The following SND1 variants were observed in gnomAD, a reference collection of about 807,000 sequenced individuals.
SND1 encodes the protein staphylococcal nuclease domain-containing protein 1.
In SND1, 38 loss-of-function variants were observed where a neutral mutation model predicts 121.7. That is an observed-to-expected ratio of 0.31 (90% CI 0.24 to 0.41). The LOEUF is 0.41. Among genes scored for constraint, SND1 ranks in the 10% least tolerant of loss-of-function variants. SND1 has a pLI of 1.00. For missense variants in SND1, 868 were observed against 1,184.6 expected, an observed-to-expected ratio of 0.73 and a Z score of 3.92; for synonymous variants, 401 against 447.4, an observed-to-expected ratio of 0.90 and a Z score of 1.31.
intron 12 of SND1, among the ~76,000 whole-genome samples, chr7:127,884,875 C>G (rs567405014): frequency 6.6e-6 from 1 of 152,238 alleles, no homozygotes; most frequent in South Asian, 2.1e-4. Flanking sequence ...TTTGTATATA[C>G]CTACTCTGAC....
chr7:127,857,904 G>C, intron 12 of SND1: 2 of 1,394,078 alleles, frequency 1.4e-6, no homozygotes, highest in Non-Finnish European at 2.0e-6. Context: ...CACGAAGGGG[G>C]TCCAGCTTCC....
At chr7:127,834,252 A>T (rs1263473657) in intron 11 of SND1, among the ~76,000 whole-genome samples, 1 of 152,112 alleles carries the variant, frequency 6.6e-6, no homozygotes, top group Non-Finnish European at 1.5e-5. Flanking sequence ...TCTATTTTTA[A>T]TTTTTTTGGA....
At chr7:127,698,337 G>C (rs1796044385) in intron 3 of SND1, among the ~76,000 whole-genome samples, 1 of 152,102 alleles carries the variant, frequency 6.6e-6, no homozygotes, top group Non-Finnish European at 1.5e-5. Flanking sequence ...CACGGTGAAG[G>C]GACTAACTTT....
chr7:127,771,894 C>T (rs553940137), intron 10 of SND1, among the ~76,000 whole-genome samples: 1 of 152,168 alleles, frequency 6.6e-6, no homozygotes, highest in Admixed American at 6.5e-5. Flanking sequence ...TGGATCACCT[C>T]GGTGGTTTCG....
At chr7:127,949,747 CA>C (rs913175371) in intron 15 of SND1, among the ~76,000 whole-genome samples, 4 of 152,184 alleles carry the variant, frequency 2.6e-5, no homozygotes, top group African/African-American at 9.7e-5. Context: ...GATTTGGCCC[CA>C]GCACAGGGTG....
At chr7:127,849,680 T>C (rs903398926) in intron 12 of SND1, among the ~76,000 whole-genome samples, 7 of 152,358 alleles carry the variant, frequency 4.6e-5, no homozygotes, top group Admixed American at 2.6e-4. Flanking sequence ...GATGGAACCT[T>C]GAAAGGTGAG....
intron 16 of SND1, among the ~76,000 whole-genome samples, chr7:128,038,645 T>A (rs1251679599): frequency 1.3e-5 from 2 of 152,050 alleles, no homozygotes; most frequent in Non-Finnish European, 2.9e-5. Flanking sequence ...ATTTAAGGTA[T>A]GAGATGTTTT....
chr7:127,844,955 A>G (rs1031427795), intron 12 of SND1, among the ~76,000 whole-genome samples: 2 of 152,202 alleles, frequency 1.3e-5, no homozygotes, highest in Admixed American at 6.5e-5. Flanking sequence ...TGATAGGGGA[A>G]GGAGGAAGCC....
chr7:127,883,307 G>T (rs1799830735), intron 12 of SND1, among the ~76,000 whole-genome samples: 2 of 152,182 alleles, frequency 1.3e-5, no homozygotes, highest in South Asian at 4.1e-4. Flanking sequence ...GGAATCCTAG[G>T]GGGTAAAATT....
At chr7:127,996,140 TAAA>T (rs34060223) in intron 16 of SND1, among the ~76,000 whole-genome samples, 2 of 142,746 alleles carry the variant, frequency 1.4e-5, no homozygotes, top group Admixed American at 7.0e-5. Context: ...CTCCCTGCTT[TAAA>T]AAAAAAAAAA....
Position 128,085,716 on chromosome 7 carries a change from G to A in SND1, c.2240G>A (p.Arg747His), listed in dbSNP as rs1793677098. The A allele has an allele frequency of 1.9e-6, 3 of 1,613,884 alleles. No individual in the cohort carries two copies. The highest frequency in any genetic ancestry group is 1.3e-5 in the African/African-American group (1 of 74,912). Residue 747 changes from arginine (R) to histidine (H), a missense_variant, in exon 20 of 24, where the codon CGT becomes CAT. By Grantham distance (29) the Arg-to-His change is conservative (BLOSUM62 0). Coordinates refer to ENST00000354725, the MANE Select transcript of SND1 (RefSeq NM_014390.4). The surrounding 1 kb of genome is among the most constrained non-coding windows in gnomAD (Gnocchi z 4.4). Reference protein sequence around the residue: ...IAKFVDGEWYRARVEKVESPA... With the variant: ...IAKFVDGEWYHARVEKVESPA... ...TGCCCATGATGCCATTGCAGGTACC[G>A]TGCCCGAGTAGAGAAAGTCGAGTCT...
intron 10 of SND1, among the ~76,000 whole-genome samples, chr7:127,729,870 A>G (rs1796643908): frequency 6.6e-6 from 1 of 152,234 alleles, no homozygotes; most frequent in Non-Finnish European, 1.5e-5. Flanking sequence ...TGACAGGCCA[A>G]TTGCTTAGGC....
At chr7:127,703,088 G>T in intron 6 of SND1, 77 bp from the exon 7 acceptor site, 1 of 1,526,968 alleles carries the variant, frequency 6.5e-7, no homozygotes, top group Non-Finnish European at 9.0e-7. Flanking sequence ...GTGTTTTTTG[G>T]AAGGCTTAGT....
chr7:127,672,714 T>G (rs1795543657), intron 1 of SND1, among the ~76,000 whole-genome samples: 1 of 152,166 alleles, frequency 6.6e-6, no homozygotes, highest in Admixed American at 6.5e-5. Context: ...GGTCACCTAT[T>G]AGCTGTCATG....
At chr7:127,706,428 T>G (rs1288092990) in intron 8 of SND1, among the ~76,000 whole-genome samples, 1 of 151,992 alleles carries the variant, frequency 6.6e-6, no homozygotes, top group Non-Finnish European at 1.5e-5. Context: ...GGCTAATTTT[T>G]TTTTGTATTT....
At chr7:127,732,834 A>C (rs1226152321) in intron 10 of SND1, among the ~76,000 whole-genome samples, 1 of 152,236 alleles carries the variant, frequency 6.6e-6, no homozygotes, top group African/African-American at 2.4e-5. Context: ...CACCTCACTG[A>C]TCACAGAAAC....
chr7:127,849,659 A>G (rs1214661935), intron 12 of SND1, among the ~76,000 whole-genome samples: 2 of 148,848 alleles, frequency 1.3e-5, no homozygotes, highest in East Asian at 3.9e-4. Flanking sequence ...AAAGTTAAAG[A>G]ATGGCACAGA....
intron 15 of SND1, among the ~76,000 whole-genome samples, chr7:127,934,685 C>T (rs1158893320): frequency 6.6e-6 from 1 of 152,026 alleles, no homozygotes; most frequent in Non-Finnish European, 1.5e-5. Flanking sequence ...TTGAGATGTC[C>T]ACAATTAAGA....
chr7:127,935,430 T>A (rs966314453), intron 15 of SND1, among the ~76,000 whole-genome samples: 3 of 152,054 alleles, frequency 2.0e-5, no homozygotes, highest in East Asian at 3.9e-4. Context: ...GCAAATGAGG[T>A]TATAAAAAAA....
Sources: gnomAD v4.1 joint callset for allele counts (sites outside exome capture counted in the v4.1 genomes callset) on GRCh38, gnomAD v4.1.1 for gene constraint, Gnocchi (gnomAD v3.1) non-coding constraint, MANE v1.5 for transcripts, NCBI Gene and HGNC (gene_info 2026-07-23, HGNC 2026-07-21) for gene names.